PCMT1: variants seen among roughly 807,000 people sequenced by gnomAD.
PCMT1 encodes protein-L-isoaspartate (D-aspartate) O-methyltransferase, also known as protein-L-isoaspartate(D-aspartate) O-methyltransferase.
Under a neutral mutation model 29.2 loss-of-function variants are expected in PCMT1, and 9 were observed. The ratio of observed to expected loss-of-function variants is 0.31; its 90% CI spans 0.19 to 0.54. PCMT1 has a LOEUF of 0.54. Among genes scored for constraint, PCMT1 ranks in the 20% least tolerant of loss-of-function variants. The pLI, the probability that PCMT1 is intolerant of heterozygous loss-of-function variation, is 0.95. For synonymous variants in PCMT1, 98 were observed against 97.5 expected (o/e 1.00, Z -0.03); for missense variants, 184 against 282.2 (o/e 0.65, Z 2.49).
intron 3 of PCMT1, among the ~76,000 whole-genome samples, chr6:149,778,816 G>A (rs1053878945): frequency 6.6e-6 from 1 of 152,142 alleles, no homozygotes; most frequent in African/African-American, 2.4e-5. Context: ...TAGCATTACA[G>A]GTGTGAGCCA....
intron 6 of PCMT1, 144 bp downstream of exon 6, chr6:149,796,644 TC>T: frequency 1.8e-6 from 1 of 552,292 alleles, no homozygotes; most frequent in South Asian, 2.8e-5. Flanking sequence ...GTTACTCTTT[TC>T]TTTTTTCATA....
intron 1 of PCMT1, among the ~76,000 whole-genome samples, chr6:149,754,750 T>C (rs746337924): frequency 6.6e-6 from 1 of 152,212 alleles, no homozygotes; most frequent in Non-Finnish European, 1.5e-5. Context: ...GCCCGTGACA[T>C]GAATCATCCC....
chr6:149,795,206 AAG>A, intron 5 of PCMT1: 1 of 367,084 alleles, frequency 2.7e-6, no homozygotes, highest in South Asian at 2.5e-5. Flanking sequence ...AAAAAAAAAA[AAG>A]AAATGTTAAC....
At chr6:149,754,429 C>T (rs1786440854) in intron 1 of PCMT1, among the ~76,000 whole-genome samples, 1 of 152,114 alleles carries the variant, frequency 6.6e-6, no homozygotes, top group Non-Finnish European at 1.5e-5. Flanking sequence ...TTACTTCCTA[C>T]TCGTATTGAG....
chr6:149,804,535 G>A (rs942241981), intron 7 of PCMT1, among the ~76,000 whole-genome samples: 7 of 151,662 alleles, frequency 4.6e-5, no homozygotes, highest in African/African-American at 1.7e-4. Context: ...TTTTTGAGAC[G>A]GAGTCCTGCT....
In PCMT1 at chr6:149,775,866, A is replaced by T. The variant is rs565885699; in HGVS notation, c.192+2697A>T. ...AGAAAATGTGTAAAGGACAGGATTG[A>T]TAGTTCATCGTGGCCAGGCGTGGTG... is the stretch of plus-strand genomic sequence containing the variant. On this transcript the variant is annotated intron_variant, in intron 3 of 7. Transcript: ENST00000464889. Among the ~76,000 whole-genome samples the T allele has an allele frequency of 2.0e-4, 30 of 152,278 alleles. 2 individuals are homozygous for T. The South Asian group carries it at 6.0e-3, about 31-fold the overall frequency.
At chr6:149,792,944 CGAGGTCAG>C (rs1425334928) in intron 4 of PCMT1, among the ~76,000 whole-genome samples, 1 of 151,996 alleles carries the variant, frequency 6.6e-6, no homozygotes, top group African/African-American at 2.4e-5. Context: ...GGGCAGATCA[CGAGGTCAG>C]GAATTTGAGA....
chr6:149,793,878 C>T (rs1006153800), intron 5 of PCMT1, among the ~76,000 whole-genome samples: 3 of 152,216 alleles, frequency 2.0e-5, no homozygotes, highest in African/African-American at 7.2e-5. Context: ...TTCCTATTAA[C>T]CTCTGAGATT....
At chr6:149,809,421 C>G (rs1472863978) in intron 7 of PCMT1, among the ~76,000 whole-genome samples, 1 of 151,828 alleles carries the variant, frequency 6.6e-6, no homozygotes, top group Non-Finnish European at 1.5e-5. Context: ...AAAAGCTGTT[C>G]TATGAGAATT....
intron 4 of PCMT1, among the ~76,000 whole-genome samples, chr6:149,793,261 G>A (rs1376964029): frequency 6.6e-6 from 1 of 151,166 alleles, no homozygotes; most frequent in Non-Finnish European, 1.5e-5. Flanking sequence ...AAAAATTATT[G>A]TACTACTATT....
rs375251162 is a variant in PCMT1 at position 149,749,867 on chromosome 6, A to C, written c.-35A>C. On this transcript the variant is annotated 5_prime_UTR_variant, in exon 1 of 8. Transcript: ENST00000464889. ...CTGCTGGGCACCGTCGTCGCGCTGA[A>C]GGTGGTTCTGTACCTGCTCCGAGTG... 252 of 1,601,428 alleles carry C rather than the reference A, an allele frequency of 1.6e-4. No individual in the cohort carries two copies. Among genetic ancestry groups the C allele is most frequent in the Non-Finnish European group, 1.7e-4 (199 of 1,174,336 alleles).
chr6:149,761,981 A>G (rs1786760449), intron 1 of PCMT1, among the ~76,000 whole-genome samples: 1 of 152,156 alleles, frequency 6.6e-6, no homozygotes, highest in Non-Finnish European at 1.5e-5. Context: ...CCTTTCTGCT[A>G]TTGAAGACTG....
At chr6:149,785,420 T>TTTTTA (rs1470317777) in intron 3 of PCMT1, among the ~76,000 whole-genome samples, 10 of 151,394 alleles carry the variant, frequency 6.6e-5, no homozygotes, top group East Asian at 1.9e-4. Context: ...TATTTTTATT[T>TTTTTA]TTTTTTATTG....
At chr6:149,797,431 C>G (rs1338872288) in intron 6 of PCMT1, 4 of 152,172 alleles carry the variant, frequency 2.6e-5, no homozygotes, top group Non-Finnish European at 5.9e-5. Flanking sequence ...ATGCATGTAA[C>G]CCCAGCACCT....
intron 1 of PCMT1, among the ~76,000 whole-genome samples, chr6:149,757,259 A>G (rs1379617471): frequency 6.6e-6 from 1 of 152,218 alleles, no homozygotes; most frequent in African/African-American, 2.4e-5. Flanking sequence ...CCTGTTGGAC[A>G]GTGCAGATAG....
intron 2 of PCMT1, among the ~76,000 whole-genome samples, chr6:149,772,924 G>A (rs1787394025): frequency 6.6e-6 from 1 of 151,138 alleles, no homozygotes; most frequent in Non-Finnish European, 1.5e-5. Context: ...GGCTGAGGCA[G>A]TAGAATGGCG....
chr6:149,773,148 A>C lies in PCMT1; in HGVS notation c.171A>C (p.Ala57=). ...MDSPQSIGFQ[A]TISAPHMHAY... The stretch of plus-strand genomic sequence containing the variant: ...CTTCTTCTTTTGCAGGTTTCCAAGC[A>C]ACAATCAGTGCTCCACACATGGTAA... The change falls in exon 3 of 8, where the codon GCA becomes GCC. Residue 57 remains alanine (A), a synonymous_variant. Transcript: ENST00000464889. The C allele has an allele frequency of 6.2e-7, 1 of 1,611,626 alleles. No homozygotes were observed. Among genetic ancestry groups the C allele is most frequent in the Non-Finnish European group, 8.5e-7 (1 of 1,178,238 alleles).
rs35832236 is a variant in PCMT1 at position 149,803,797 on chromosome 6, GAAAAAAA to G, written c.*37+1395_*37+1401del. Among the ~76,000 whole-genome samples the G allele has an allele frequency of 2.2e-4, 24 of 109,908 alleles. No homozygotes were observed. The East Asian group carries it at 4.1e-3, about 19-fold the overall frequency. 72.1% of individuals were successfully genotyped at this position (109,908 alleles called of 152,430 possible). A position where few individuals can be genotyped will look rare whatever the true frequency, so the allele number is the denominator to read the frequency against. On this transcript the variant is annotated intron_variant, in intron 7 of 7. Coordinates refer to ENST00000464889, the MANE Select transcript of PCMT1 (RefSeq NM_001360452.2). ...AATTATACGTGGAGCACAGCCACTG[GAAAAAAA>G]AAAAAAAAAAAAAGCATTTTAGTCC...
chr6:149,783,462 G>A (rs1410042907), intron 3 of PCMT1, among the ~76,000 whole-genome samples: 8 of 152,134 alleles, frequency 5.3e-5, no homozygotes, highest in African/African-American at 1.9e-4. Context: ...AAAAAAATAT[G>A]CCTTGAAAGT....
Sources: gnomAD v4.1 joint callset for allele counts (sites outside exome capture counted in the v4.1 genomes callset) on GRCh38, gnomAD v4.1.1 for gene constraint, MANE v1.5 for transcripts, NCBI Gene and HGNC (gene_info 2026-07-23, HGNC 2026-07-21) for gene names.